Variants in DNAH10 observed in about 807,000 individuals in gnomAD.
DNAH10 encodes axonemal beta dynein heavy chain 10.
Under a neutral mutation model 506.6 loss-of-function variants are expected in DNAH10, and 348 were observed. The ratio of observed to expected loss-of-function variants is 0.69; its 90% CI spans 0.63 to 0.75. The LOEUF (loss-of-function observed/expected upper bound fraction) is 0.75, where lower values mean the gene tolerates loss of function less well. Among genes scored for constraint, DNAH10 ranks in the 30% least tolerant of loss-of-function variants. DNAH10 has a pLI of 0.00. For synonymous variants in DNAH10, 2,059 were observed against 2,198.6 expected (o/e 0.94, Z 1.78); for missense variants, 5,179 against 5,787.1 (o/e 0.89, Z 3.41).
chr12:123,791,157 GA>G lies in DNAH10; in HGVS notation c.1815+1044del, dbSNP rs143002874. Among the ~76,000 whole-genome samples, 1,281 of 151,758 alleles carry G rather than the reference GA, an allele frequency of 8.4e-3. 7 individuals carry two copies. Among genetic ancestry groups the G allele is most frequent in the Non-Finnish European group, 0.013 (865 of 67,898 alleles). On this transcript the variant is annotated intron_variant, in intron 11 of 78. Transcript: ENST00000673944. ...AAAAAAACCCAAAAAACAAAAACGT[GA>G]AAAAAAATCAAGGTTTATACTTCAG...
At chr12:123,856,771 A>G (rs1361952199) in intron 36 of DNAH10, among the ~76,000 whole-genome samples, 1 of 147,702 alleles carries the variant, frequency 6.8e-6, no homozygotes, top group Non-Finnish European at 1.5e-5. Flanking sequence ...AATAAAAAAT[A>G]AAATTATATA....
rs1954476142 is a variant in DNAH10, at chr12:123,916,324, C to G, written c.10723-133C>G. ...TATATGCGTTATACCCCTTGCTTCT[C>G]TCTTCTTTTCACCTCTGGCCCCCTC... On this transcript the variant is annotated intron_variant, in intron 62 of 78. Coordinates refer to ENST00000673944, the MANE Select transcript of DNAH10 (RefSeq NM_001372106.1). The surrounding 1 kb of genome is among the most constrained non-coding windows in gnomAD (Gnocchi z 4.6). The G allele has an allele frequency of 8.5e-7, 1 of 1,177,614 alleles. No individual in the cohort carries two copies. Among genetic ancestry groups the G allele is most frequent in the Non-Finnish European group, 1.2e-6 (1 of 836,600 alleles). 72.9% of individuals were successfully genotyped at this position (1,177,614 alleles called of 1,614,324 possible). A position where few individuals can be genotyped will look rare whatever the true frequency, so the allele number is the denominator to read the frequency against.
At chr12:123,931,583 T>C in intron 74 of DNAH10, 53 bp from the exon 75 acceptor site, 1 of 1,608,758 alleles carries the variant, frequency 6.2e-7, no homozygotes, top group Non-Finnish European at 8.5e-7. Context: ...CTCAGGAGGC[T>C]CCGGTTCTGC....
chr12:123,783,198 G>C lies in DNAH10; in HGVS notation c.933G>C (p.Gln311His). 6.2e-7 allele frequency: 1 copy of C among 1,614,226 alleles called. No individual in the cohort carries two copies. Among genetic ancestry groups the C allele is most frequent in the Non-Finnish European group, 8.5e-7 (1 of 1,180,040 alleles). ...ADPETVDILE[Q>H]CVINWLNQIS... ...CGGAAACCGTTGACATCTTGGAGCA[G>C]TGTGTGATAAACTGGCTGAATCAGA... The change falls in exon 7 of 79, where the codon CAG (glutamine) becomes CAC (histidine). Residue 311 changes from glutamine (Q) to histidine (H), a missense_variant. Physicochemically the swap from Gln to His is conservative, Grantham distance 24. Transcript: ENST00000673944.
intron 25 of DNAH10, among the ~76,000 whole-genome samples, chr12:123,828,351 A>G (rs969868695): frequency 9.2e-5 from 14 of 152,144 alleles, no homozygotes; most frequent in Admixed American, 1.3e-4. Flanking sequence ...TATTTTAGAG[A>G]AAACAAACCT....
At chr12:123,838,811 GGTTTTTTGGTTT>G (rs1156628024) in intron 29 of DNAH10, 122 bp downstream of exon 29, 1 of 898,998 alleles carries the variant, frequency 1.1e-6, no homozygotes, top group Non-Finnish European at 1.7e-6. Context: ...TGCTGGAGTT[GGTTTTTTGGTTT>G]GTTTTTTGAG....
At chr12:123,765,564 T>TATCTATC (rs1555302003) in intron 1 of DNAH10, among the ~76,000 whole-genome samples, 8 of 149,296 alleles carry the variant, frequency 5.4e-5, no homozygotes, top group Non-Finnish European at 3.0e-5. Context: ...TATCTATACT[T>TATCTATC]TATCTATCTA....
rs555196459 is a variant in DNAH10, at chr12:123,783,736, T to C, written c.1000-211T>C. ...GGCCTCACATTCTGTACACCTCAGT[T>C]GTCCGGAGAAAGGCAGAGTGTGTTT... On this transcript the variant is annotated intron_variant, in intron 7 of 78. Transcript: ENST00000673944. 1.4e-4 allele frequency among the ~76,000 whole-genome samples: 22 copies of C among 152,298 alleles called. No individual in the cohort carries two copies. In the South Asian group the frequency reaches 4.6e-3, roughly 32 times the overall value.
rs746041133 is a variant in DNAH10 at position 123,838,521 on chromosome 12, T to A, written c.4968T>A (p.Ser1656Arg). Residue 1656 changes from serine to arginine, a missense_variant, in exon 29 of 79, where the codon AGT becomes AGA. Around this residue, in one of 3 missense-constraint regions of DNAH10, gnomAD observed 4,844 missense variants for 5,430.5 expected, o/e 0.89. Transcript: ENST00000673944. ...KRCCEAPNRL[S>R]DLQNVSEGLE... ...GCTGTGAAGCCCCAAACCGCCTCAG[T>A]GACCTACAGAACGTCAGCGAGGGCC... The A allele has an allele frequency of 3.4e-5, 55 of 1,613,886 alleles. No individual in the cohort carries two copies. Among genetic ancestry groups the A allele is most frequent in the Non-Finnish European group, 4.4e-5 (52 of 1,179,900 alleles).
chr12:123,893,464 T>C (rs746633599), intron 53 of DNAH10, 28 bp downstream of exon 53: 89 of 1,610,842 alleles, frequency 5.5e-5, no homozygotes, highest in Non-Finnish European at 7.5e-5. Context: ...TGTGAACCCA[T>C]TTCCCCTGCT....
At chr12:123,779,863 A>G (rs1957578183) in intron 5 of DNAH10, among the ~76,000 whole-genome samples, 1 of 152,202 alleles carries the variant, frequency 6.6e-6, no homozygotes, top group African/African-American at 2.4e-5. Context: ...CAAAATTTTA[A>G]GAAATATAGA....
At chr12:123,891,719 T>C (rs1952990601) in intron 52 of DNAH10, among the ~76,000 whole-genome samples, 1 of 152,040 alleles carries the variant, frequency 6.6e-6, no homozygotes, top group Non-Finnish European at 1.5e-5. Context: ...CTCTCCCTTG[T>C]TGAATATCCC....
intron 1 of DNAH10, among the ~76,000 whole-genome samples, chr12:123,765,564 T>TTATCTATATC (rs1956997828): frequency 6.7e-6 from 1 of 149,296 alleles, no homozygotes; most frequent in African/African-American, 2.5e-5. Flanking sequence ...TATCTATACT[T>TTATCTATATC]TATCTATCTA....
In DNAH10 at chr12:123,846,208, T is replaced by C. The variant is rs934638289; in HGVS notation, c.5814+54T>C. 2 of 1,562,318 alleles carry C rather than the reference T, an allele frequency of 1.3e-6. No individual in the cohort carries two copies. Among genetic ancestry groups the C allele is most frequent in the Admixed American group, 1.8e-5 (1 of 54,206 alleles). On this transcript the variant is annotated intron_variant, in intron 32 of 78. Coordinates refer to ENST00000673944, the MANE Select transcript of DNAH10 (RefSeq NM_001372106.1). The surrounding 1 kb of genome is among the most constrained non-coding windows in gnomAD (Gnocchi z 4.5). ...CCACTTACCTTGGGGCGGGGCATTT[T>C]CTCTAAGCTTGAGGTGTGATGACTG...
In DNAH10 at chr12:123,909,312, C is replaced by T. The variant is rs1197899325; in HGVS notation, c.9867C>T (p.Leu3289=). 3.7e-6 allele frequency: 6 copies of T among 1,613,460 alleles called. No individual in the cohort carries two copies. The highest frequency in any genetic ancestry group is 1.7e-5 in the Admixed American group (1 of 59,964). Residue 3289 remains leucine, a synonymous_variant, in exon 58 of 79, where the codon CTC becomes CTT. Coordinates refer to ENST00000673944, the MANE Select transcript of DNAH10 (RefSeq NM_001372106.1). This position sits in a 1 kb window ranked among gnomAD's most constrained non-coding sequence, Gnocchi z 5.4. The stretch of plus-strand genomic sequence containing the variant: ...TGCAGACGGTCTGCGAATGCATCCT[C>T]ATCATGAAAGGGTACAAAGAGCTGA... ...KQVQTVCECI[L]IMKGYKELNW...
intron 54 of DNAH10, among the ~76,000 whole-genome samples, chr12:123,896,573 C>T (rs1757533729): frequency 6.6e-6 from 1 of 151,984 alleles, no homozygotes; most frequent in Admixed American, 6.5e-5. Context: ...CTCGGGCGGG[C>T]GAGGGGAGCA....
chr12:123,845,828 T>C lies in DNAH10; in HGVS notation c.5589T>C (p.Asp1863=), dbSNP rs1385157530. ...AATACAACACTGTTCTCATCATTGATGTGCATGCCAGAGACATAGTTGATT... is the reference window on the plus strand; with the variant it reads ...AATACAACACTGTTCTCATCATTGACGTGCATGCCAGAGACATAGTTGATT... The part of the protein sequence containing the change: ...RKKYNTVLII[D]VHARDIVDSF... Residue 1863 remains aspartate, a synonymous_variant, in exon 31 of 79, where the codon GAT becomes GAC. Transcript: ENST00000673944. The C allele has an allele frequency of 6.2e-7, 1 of 1,614,028 alleles. No individual in the cohort carries two copies. Among genetic ancestry groups the C allele is most frequent in the East Asian group, 2.2e-5 (1 of 44,884 alleles).
In DNAH10 at chr12:123,909,650, G is replaced by A. The variant is rs997144443; in HGVS notation, c.9997+208G>A. On this transcript the variant is annotated intron_variant, in intron 58 of 78. Transcript: ENST00000673944. This position sits in a 1 kb window ranked among gnomAD's most constrained non-coding sequence, Gnocchi z 5.4. ...CCAGGGAGAGTGGCTGGGGATGCGC[G>A]GCGGCAGCCGTGCCCACTGAGGGTT... 1.3e-5 allele frequency among the ~76,000 whole-genome samples: 2 copies of A among 152,210 alleles called. No homozygotes were observed. Among genetic ancestry groups the A allele is most frequent in the East Asian group, 1.9e-4 (1 of 5,204 alleles).
At chr12:123,877,027 T>A (rs1340752174) in intron 47 of DNAH10, among the ~76,000 whole-genome samples, 1 of 152,200 alleles carries the variant, frequency 6.6e-6, no homozygotes, top group Non-Finnish European at 1.5e-5. Context: ...CAGTGGCACT[T>A]AGTCCATTCA....
Sources: gnomAD v4.1 joint callset for allele counts (sites outside exome capture counted in the v4.1 genomes callset) on GRCh38, gnomAD v4.1.1 for gene constraint, gnomAD v4.1.1 regional missense constraint, Gnocchi (gnomAD v3.1) non-coding constraint, MANE v1.5 for transcripts, NCBI Gene and HGNC (gene_info 2026-07-23, HGNC 2026-07-21) for gene names.